SSBP2: variants seen among roughly 807,000 people sequenced by gnomAD.
The protein encoded by SSBP2 is single stranded DNA binding protein 2, also known as single-stranded DNA-binding protein 2.
Under a neutral mutation model 61.8 loss-of-function variants are expected in SSBP2, and 17 were observed. That is an observed-to-expected ratio of 0.28 (90% confidence interval 0.19 to 0.41). The LOEUF (loss-of-function observed/expected upper bound fraction) is 0.41. Ranked by LOEUF, SSBP2 falls within the 10% of genes least tolerant of loss-of-function variation. The pLI is 1.00. For synonymous variants in SSBP2, 139 were observed against 141.3 expected, an observed-to-expected ratio of 0.98 and a Z score of 0.12; for missense variants, 310 against 458.7, an observed-to-expected ratio of 0.68 and a Z score of 2.96.
chr5:81,584,495 A>C (rs1774918390), intron 4 of SSBP2, among the ~76,000 whole-genome samples: 1 of 152,200 alleles, frequency 6.6e-6, no homozygotes, highest in South Asian at 2.1e-4. Flanking sequence ...AAATGTTGCA[A>C]GAGAACAAAA....
At chr5:81,682,070 A>G (rs1752429552) in intron 1 of SSBP2, among the ~76,000 whole-genome samples, 1 of 152,200 alleles carries the variant, frequency 6.6e-6, no homozygotes, top group African/African-American at 2.4e-5. Context: ...ATCAATAATT[A>G]ATAATGTTCC....
At chr5:81,447,374 C>T (rs191237168) in intron 11 of SSBP2, among the ~76,000 whole-genome samples, 10 of 152,270 alleles carry the variant, frequency 6.6e-5, no homozygotes, top group Admixed American at 2.6e-4. Flanking sequence ...TTTCTTCTGT[C>T]AGCATCAATT....
At chr5:81,668,897 G>A (rs1251346737) in intron 1 of SSBP2, among the ~76,000 whole-genome samples, 1 of 151,904 alleles carries the variant, frequency 6.6e-6, no homozygotes, top group Non-Finnish European at 1.5e-5. Flanking sequence ...AGTTCCAAGT[G>A]TTCTTAAATT....
At chr5:81,569,633 T>C (rs1481641868) in intron 4 of SSBP2, among the ~76,000 whole-genome samples, 3 of 152,148 alleles carry the variant, frequency 2.0e-5, no homozygotes, top group African/African-American at 7.2e-5. Context: ...AAATCAGCAA[T>C]ATCCTTTTTA....
chr5:81,562,932 A>G (rs1773161264), intron 4 of SSBP2, among the ~76,000 whole-genome samples: 1 of 152,192 alleles, frequency 6.6e-6, no homozygotes, highest in South Asian at 2.1e-4. Flanking sequence ...TATAGCTTTC[A>G]TGAAGGGGAA....
chr5:81,740,673 A>G (rs1756954753), intron 1 of SSBP2, among the ~76,000 whole-genome samples: 7 of 152,178 alleles, frequency 4.6e-5, no homozygotes, highest in Admixed American at 4.6e-4. Flanking sequence ...TCCTGACTCC[A>G]AAGTTTAAAG....
chr5:81,624,348 A>G (rs1746925731), intron 3 of SSBP2, among the ~76,000 whole-genome samples: 1 of 152,200 alleles, frequency 6.6e-6, no homozygotes, highest in African/African-American at 2.4e-5. Context: ...AGAAAATTCG[A>G]TCACATTTTG....
At chr5:81,501,809 C>T (rs1218317285) in intron 5 of SSBP2, among the ~76,000 whole-genome samples, 1 of 151,914 alleles carries the variant, frequency 6.6e-6, no homozygotes, top group African/African-American at 2.4e-5. Flanking sequence ...GTGATCCTCC[C>T]GCCTTGGCCT....
At chr5:81,477,025 G>A (rs1765640005) in intron 6 of SSBP2, among the ~76,000 whole-genome samples, 1 of 151,910 alleles carries the variant, frequency 6.6e-6, no homozygotes, top group Admixed American at 6.6e-5. Context: ...TGTGTGTTGT[G>A]TGTGTGTAAC....
intron 4 of SSBP2, among the ~76,000 whole-genome samples, chr5:81,588,255 T>C (rs985594254): frequency 6.6e-6 from 1 of 152,116 alleles, no homozygotes; most frequent in African/African-American, 2.4e-5. Context: ...AAGACAATTA[T>C]TGACATCCTA....
At chr5:81,729,173 T>A (rs1162516561) in intron 1 of SSBP2, among the ~76,000 whole-genome samples, 1 of 152,126 alleles carries the variant, frequency 6.6e-6, no homozygotes, top group Non-Finnish European at 1.5e-5. Flanking sequence ...AAAAAATAAA[T>A]ATGCTGTCCT....
intron 15 of SSBP2, among the ~76,000 whole-genome samples, chr5:81,430,253 C>A (rs886536524): frequency 1.1e-4 from 17 of 151,896 alleles, no homozygotes; most frequent in African/African-American, 3.9e-4. Flanking sequence ...TTTATAAATT[C>A]TTTTGGATTT....
chr5:81,591,902 T>G (rs1358470579), intron 4 of SSBP2, among the ~76,000 whole-genome samples: 1 of 152,142 alleles, frequency 6.6e-6, no homozygotes, highest in African/African-American at 2.4e-5. Flanking sequence ...TAGCTCCCAG[T>G]GTGAGCGACA....
intron 2 of SSBP2, among the ~76,000 whole-genome samples, chr5:81,642,273 CTTT>C (rs1330086335): frequency 6.6e-6 from 1 of 152,092 alleles, no homozygotes; most frequent in East Asian, 1.9e-4. Context: ...TATTCTGTTT[CTTT>C]TTCTTCCATT....
chr5:81,682,058 G>A (rs181870221), intron 1 of SSBP2, among the ~76,000 whole-genome samples: 18 of 152,232 alleles, frequency 1.2e-4, no homozygotes, highest in Admixed American at 8.5e-4. Context: ...TAGAAACATT[G>A]AATCAATAAT....
intron 4 of SSBP2, among the ~76,000 whole-genome samples, chr5:81,540,382 C>A (rs1227860190): frequency 6.6e-6 from 1 of 152,208 alleles, no homozygotes; most frequent in East Asian, 1.9e-4. Context: ...GTTCTTATTT[C>A]TCCACATCCT....
At chr5:81,597,543 A>G (rs1239265262) in intron 4 of SSBP2, among the ~76,000 whole-genome samples, 1 of 152,176 alleles carries the variant, frequency 6.6e-6, no homozygotes, top group Non-Finnish European at 1.5e-5. Flanking sequence ...ATGCTGCTAT[A>G]AAGACACATG....
chr5:81,494,518 T>G (rs1373883028), intron 5 of SSBP2, among the ~76,000 whole-genome samples: 4 of 152,198 alleles, frequency 2.6e-5, no homozygotes, highest in Non-Finnish European at 4.4e-5. Context: ...ATGGGATTAG[T>G]ACGCCTATAA....
intron 4 of SSBP2, among the ~76,000 whole-genome samples, chr5:81,596,394 A>G (rs1241529020): frequency 3.1e-5 from 4 of 129,270 alleles, no homozygotes; most frequent in South Asian, 2.9e-4. Flanking sequence ...AATCAATATC[A>G]TGAAAATGGC....
Sources: gnomAD v4.1 joint callset for allele counts (sites outside exome capture counted in the v4.1 genomes callset) on GRCh38, gnomAD v4.1.1 for gene constraint, MANE v1.5 for transcripts, NCBI Gene and HGNC (gene_info 2026-07-23, HGNC 2026-07-21) for gene names.